Variants in ARMC8 observed in about 807,000 individuals in gnomAD.
The protein encoded by ARMC8 is armadillo repeat-containing protein 8.
Under a neutral mutation model 99.3 loss-of-function variants are expected in ARMC8, and 20 were observed. The ratio of observed to expected loss-of-function variants is 0.20; its 90% CI spans 0.14 to 0.29. ARMC8 has a LOEUF of 0.29. ARMC8 is among the 10% of genes least tolerant of loss of function. ARMC8 has a pLI of 1.00. For missense variants in ARMC8, 569 were observed against 809.5 expected, an observed-to-expected ratio of 0.70 and a Z score of 3.60; for synonymous variants, 263 against 278.3, an observed-to-expected ratio of 0.95 and a Z score of 0.55.
At position 138,221,996 on chromosome 3, in the gene ARMC8, A is replaced by C. The variant is rs977682024; in HGVS notation, c.193A>C (p.Arg65=). ...ANLIVLGAVP[R]LLYLLQQETS... ...TCTCATTGTTTTAGGAGCTGTTCCA[A>C]GGTATGTTTGCTGTCTCACCCCTTT... Residue 65 remains arginine (R), a splice_region_variant and synonymous_variant, in exon 3 of 22, where the codon AGA becomes CGA. Transcript: ENST00000469044. 3 of 1,612,544 alleles carry C rather than the reference A, an allele frequency of 1.9e-6. No homozygotes were observed. The African/African-American group carries it at 4.0e-5, about 22-fold the overall frequency.
intron 3 of ARMC8, 151 bp downstream of exon 3, chr3:138,222,148 T>C (rs1381469963): frequency 9.7e-6 from 6 of 617,392 alleles, no homozygotes; most frequent in Non-Finnish European, 1.7e-5. Context: ...ATTTAAACTA[T>C]CTTTAAGGAA....
Position 138,271,798 on chromosome 3 carries a change from C to CTTTTTTTTTTTTTTTTTTT in ARMC8, c.1480-1154_1480-1153insTTTTTTTTTTTTTTTTTTT, listed in dbSNP as rs776320900. Among the ~76,000 whole-genome samples the CTTTTTTTTTTTTTTTTTTT allele has an allele frequency of 6.4e-4, 87 of 136,122 alleles. 4 individuals carry two copies. Among genetic ancestry groups the CTTTTTTTTTTTTTTTTTTT allele is most frequent in the African/African-American group, 2.4e-3 (84 of 35,230 alleles). 89.3% of individuals were successfully genotyped at this position (136,122 alleles called of 152,430 possible). On this transcript the variant is annotated intron_variant, in intron 16 of 21. Transcript: ENST00000469044. ...AGTTCACAAGATTTTTTTTTTCTTT[C>CTTTTTTTTTTTTTTTTTTT]TTTTTTTTTTTTTTTGATACAGAGT...
intron 1 of ARMC8, among the ~76,000 whole-genome samples, chr3:138,197,780 T>C (rs1316411129): frequency 6.6e-6 from 1 of 152,206 alleles, no homozygotes; most frequent in African/African-American, 2.4e-5. Flanking sequence ...GAGGTATCTT[T>C]TATTGACCCT....
intron 7 of ARMC8, among the ~76,000 whole-genome samples, chr3:138,235,989 G>C (rs1333787638): frequency 6.6e-6 from 1 of 151,992 alleles, no homozygotes; most frequent in Non-Finnish European, 1.5e-5. Context: ...CTATATTTTA[G>C]TAGAGACAGG....
chr3:138,246,830 C>CTCCT (rs1435024171), intron 12 of ARMC8: 1 of 963,616 alleles, frequency 1.0e-6, no homozygotes, highest in African/African-American at 1.8e-5. Flanking sequence ...GTAAGGCTAA[C>CTCCT]TCCTGATCGT....
intron 12 of ARMC8, among the ~76,000 whole-genome samples, chr3:138,258,215 G>A (rs745920765): frequency 6.6e-6 from 1 of 152,152 alleles, no homozygotes; most frequent in Non-Finnish European, 1.5e-5. Context: ...ACACCACTGA[G>A]AATCTACCTG....
chr3:138,209,752 G>A, intron 1 of ARMC8, 65 bp from the exon 2 acceptor site: 1 of 1,291,848 alleles, frequency 7.7e-7, no homozygotes. Flanking sequence ...TGATATTGTG[G>A]GTGATGCTGT....
intron 14 of ARMC8, among the ~76,000 whole-genome samples, chr3:138,265,135 G>T (rs2048154731): frequency 6.6e-6 from 1 of 151,982 alleles, no homozygotes; most frequent in Non-Finnish European, 1.5e-5. Flanking sequence ...GAGCTCAAGT[G>T]ATCCTGCCTT....
At chr3:138,267,841 T>C (rs1157537048) in intron 15 of ARMC8, among the ~76,000 whole-genome samples, 1 of 152,250 alleles carries the variant, frequency 6.6e-6, no homozygotes, top group African/African-American at 2.4e-5. Flanking sequence ...TGCCCAATTA[T>C]GAACTCAGGT....
intron 12 of ARMC8, among the ~76,000 whole-genome samples, chr3:138,252,077 A>C (rs945763298): frequency 1.3e-5 from 2 of 152,240 alleles, no homozygotes; most frequent in African/African-American, 4.8e-5. Flanking sequence ...GATTGTTGCT[A>C]TGCTCTTTCC....
chr3:138,228,983 C>G lies in ARMC8; in HGVS notation c.501C>G (p.Ile167Met). The G allele has an allele frequency of 6.2e-7, 1 of 1,609,790 alleles. No homozygotes were observed. The highest frequency in any genetic ancestry group is 1.7e-4 in the Middle Eastern group (1 of 6,040). Residue 167 changes from isoleucine to methionine, a missense_variant, in exon 6 of 22, where the codon ATC becomes ATG. By Grantham distance (10) the Ile-to-Met change is conservative. Coordinates refer to ENST00000469044, the MANE Select transcript of ARMC8 (RefSeq NM_001363941.2). ...GGTCCCGCTATACCCAGGAGTACAT[C>G]TGTCAGATCTTCTCACACTGCTGTA... Reference protein sequence around the residue: ...LSRSRYTQEYICQIFSHCCKG... With the variant: ...LSRSRYTQEYMCQIFSHCCKG...
At chr3:138,273,603 G>A (rs1366865225) in intron 17 of ARMC8, among the ~76,000 whole-genome samples, 1 of 152,184 alleles carries the variant, frequency 6.6e-6, no homozygotes, top group Non-Finnish European at 1.5e-5. Flanking sequence ...GAGAGGCTGA[G>A]CCTTGCTGGT....
chr3:138,257,124 A>T (rs2047448002), intron 12 of ARMC8, among the ~76,000 whole-genome samples: 1 of 152,226 alleles, frequency 6.6e-6, no homozygotes, highest in Non-Finnish European at 1.5e-5. Context: ...GTTCTGTCAG[A>T]TAGTTAAGTC....
rs931186352 is a variant in ARMC8 at position 138,297,993 on chromosome 3, G to T, written c.*2101G>T. 1 of 152,194 alleles carries T rather than the reference G, an allele frequency of 6.6e-6. No homozygotes were observed. The highest frequency in any genetic ancestry group is 6.5e-5 in the Admixed American group (1 of 15,288). 9.4% of individuals were successfully genotyped at this position (152,194 alleles called of 1,614,324 possible). A position where few individuals can be genotyped will look rare whatever the true frequency, so the allele number is the denominator to read the frequency against. Reference sequence around the variant, plus strand: ...CTCTGTGGATAAATTTTGCCTGTGGGTATAAACAGATGGTCAAATTAAAAA... The same window carrying T: ...CTCTGTGGATAAATTTTGCCTGTGGTTATAAACAGATGGTCAAATTAAAAA... On this transcript the variant is annotated 3_prime_UTR_variant, in exon 22 of 22. Coordinates refer to ENST00000469044, the MANE Select transcript of ARMC8 (RefSeq NM_001363941.2).
intron 14 of ARMC8, among the ~76,000 whole-genome samples, chr3:138,265,848 A>T (rs1220434522): frequency 1.3e-5 from 2 of 152,164 alleles, no homozygotes; most frequent in African/African-American, 4.8e-5. Flanking sequence ...AGGTTCATCT[A>T]GTGACAGAGT....
intron 5 of ARMC8, among the ~76,000 whole-genome samples, chr3:138,225,157 G>T (rs546354253): frequency 6.7e-6 from 1 of 148,336 alleles, no homozygotes; most frequent in East Asian, 2.0e-4. Context: ...ACCGAGGCTG[G>T]AGTGCAGTGG....
At chr3:138,255,393 G>A (rs1484361329) in intron 12 of ARMC8, among the ~76,000 whole-genome samples, 6 of 151,722 alleles carry the variant, frequency 4.0e-5, no homozygotes, top group Non-Finnish European at 1.5e-5. Flanking sequence ...TAGTAGAGAC[G>A]GGGTTTCACT....
chr3:138,225,256 A>G (rs946355670), intron 5 of ARMC8, among the ~76,000 whole-genome samples: 2 of 151,956 alleles, frequency 1.3e-5, no homozygotes, highest in Non-Finnish European at 2.9e-5. Context: ...GCCTACAGGC[A>G]TGTGCCACCA....
chr3:138,283,092 A>G (rs1160961667), intron 18 of ARMC8, among the ~76,000 whole-genome samples: 1 of 152,166 alleles, frequency 6.6e-6, no homozygotes, highest in African/African-American at 2.4e-5. Flanking sequence ...TTGCTTAGCT[A>G]TTGGACTATA....
Sources: gnomAD v4.1 joint callset for allele counts (sites outside exome capture counted in the v4.1 genomes callset) on GRCh38, gnomAD v4.1.1 for gene constraint, MANE v1.5 for transcripts, NCBI Gene and HGNC (gene_info 2026-07-23, HGNC 2026-07-21) for gene names.